SCAPER: variants seen among roughly 807,000 people sequenced by gnomAD.
The protein encoded by SCAPER is S-phase cyclin A associated protein in the ER, also known as S phase cyclin A-associated protein in the endoplasmic reticulum.
A neutral mutation model predicts 182.2 loss-of-function variants in SCAPER; 98 were observed. That is an observed-to-expected ratio of 0.54 (90% CI 0.46 to 0.64). The LOEUF (loss-of-function observed/expected upper bound fraction) is 0.64. Among genes scored for constraint, SCAPER ranks in the 30% least tolerant of loss-of-function variants. The pLI is 0.00. For synonymous variants in SCAPER, 605 were observed against 564.6 expected (o/e 1.07, Z -1.01); for missense variants, 1,432 against 1,690.0 (o/e 0.85, Z 2.68).
intron 20 of SCAPER, among the ~76,000 whole-genome samples, chr15:76,690,456 A>T (rs2058291257): frequency 6.6e-6 from 1 of 152,188 alleles, no homozygotes; most frequent in Admixed American, 6.5e-5. Flanking sequence ...ATCCTGAAAT[A>T]GAAAAAGAAC....
chr15:76,781,753 A>C (rs1281520736), intron 8 of SCAPER, among the ~76,000 whole-genome samples: 1 of 152,132 alleles, frequency 6.6e-6, no homozygotes, highest in Non-Finnish European at 1.5e-5. Context: ...TTAAACAAAA[A>C]ATTTTCAACC....
chr15:76,475,714 G>A (rs1037879067), intron 24 of SCAPER, among the ~76,000 whole-genome samples: 28 of 152,318 alleles, frequency 1.8e-4, no homozygotes, highest in African/African-American at 2.9e-4. Flanking sequence ...TGCTCTGGCT[G>A]AAGCAGAAGT....
intron 24 of SCAPER, among the ~76,000 whole-genome samples, chr15:76,481,026 C>T (rs573862158): frequency 1.9e-4 from 29 of 152,248 alleles, no homozygotes; most frequent in Admixed American, 1.5e-3. Context: ...CCACCGCGCC[C>T]GGCCCACTAT....
intron 21 of SCAPER, among the ~76,000 whole-genome samples, chr15:76,652,388 A>T (rs2055218000): frequency 1.5e-5 from 1 of 66,886 alleles, no homozygotes; most frequent in African/African-American, 6.3e-5. Flanking sequence ...ATATATATAT[A>T]TATATATATA....
At chr15:76,741,787 T>C (rs1259071212) in intron 15 of SCAPER, among the ~76,000 whole-genome samples, 1 of 152,098 alleles carries the variant, frequency 6.6e-6, no homozygotes, top group African/African-American at 2.4e-5. Context: ...ATCTGAAATA[T>C]GGAATTCAGT....
At chr15:76,456,973 T>C (rs2048784531) in intron 25 of SCAPER, among the ~76,000 whole-genome samples, 1 of 152,216 alleles carries the variant, frequency 6.6e-6, no homozygotes. Context: ...TTGGTCTTTA[T>C]ATTTTAAATG....
intron 16 of SCAPER, among the ~76,000 whole-genome samples, chr15:76,732,864 G>GTC (rs1203893205): frequency 6.6e-6 from 1 of 152,098 alleles, no homozygotes; most frequent in Non-Finnish European, 1.5e-5. Context: ...GGCGTAAGCT[G>GTC]TCTCTCTCTC....
intron 3 of SCAPER, among the ~76,000 whole-genome samples, chr15:76,858,933 T>C (rs2071637780): frequency 6.6e-6 from 1 of 152,226 alleles, no homozygotes; most frequent in South Asian, 2.1e-4. Flanking sequence ...GTGATGAACA[T>C]ACACATACAT....
intron 5 of SCAPER, among the ~76,000 whole-genome samples, chr15:76,813,987 G>T (rs1734245748): frequency 6.6e-6 from 1 of 152,084 alleles, no homozygotes; most frequent in Admixed American, 6.6e-5. Flanking sequence ...GGCCAACATG[G>T]TGAAACCCCG....
intron 23 of SCAPER, among the ~76,000 whole-genome samples, chr15:76,544,766 T>C (rs1310970976): frequency 3.9e-5 from 6 of 152,142 alleles, no homozygotes; most frequent in Non-Finnish European, 5.9e-5. Flanking sequence ...ACTCTTTGAC[T>C]ATACCAAAAA....
intron 3 of SCAPER, among the ~76,000 whole-genome samples, chr15:76,861,257 C>T (rs1355906696): frequency 1.3e-5 from 2 of 152,158 alleles, no homozygotes; most frequent in East Asian, 1.9e-4. Flanking sequence ...TATCTTACCA[C>T]AAATTACTCA....
chr15:76,676,540 CATAAT>C (rs1327806057), intron 20 of SCAPER, among the ~76,000 whole-genome samples: 5 of 151,942 alleles, frequency 3.3e-5, no homozygotes, highest in African/African-American at 9.7e-5. Flanking sequence ...GAAAAATTGC[CATAAT>C]GAAATAGAGA....
intron 5 of SCAPER, among the ~76,000 whole-genome samples, chr15:76,819,123 G>A (rs1380923183): frequency 6.6e-6 from 1 of 152,250 alleles, no homozygotes; most frequent in Non-Finnish European, 1.5e-5. Context: ...CACTGCTCAA[G>A]GAGGCCTGCC....
At chr15:76,440,721 C>A (rs564623297) in intron 25 of SCAPER, among the ~76,000 whole-genome samples, 2 of 152,128 alleles carry the variant, frequency 1.3e-5, no homozygotes, top group Non-Finnish European at 2.9e-5. Flanking sequence ...AGTCACTAAA[C>A]ATGCAACAGT....
At chr15:76,667,109 C>T (rs555524848) in intron 20 of SCAPER, among the ~76,000 whole-genome samples, 5 of 152,146 alleles carry the variant, frequency 3.3e-5, no homozygotes, top group African/African-American at 4.8e-5. Flanking sequence ...AGCTCTCATT[C>T]GCTCCCAAAC....
intron 5 of SCAPER, among the ~76,000 whole-genome samples, chr15:76,813,015 C>A (rs11072627): frequency 0.33 from 49,891 of 150,834 alleles, 8,498 homozygotes; most frequent in East Asian, 0.56. Context: ...CACAAAAATG[C>A]TCAATACTAG....
intron 17 of SCAPER, among the ~76,000 whole-genome samples, chr15:76,712,163 C>T (rs903843150): frequency 6.6e-6 from 1 of 152,158 alleles, no homozygotes; most frequent in Non-Finnish European, 1.5e-5. Flanking sequence ...TATGGCTAGA[C>T]AGTTTTCCCA....
chr15:76,580,382 G>A (rs1469870038), intron 22 of SCAPER, among the ~76,000 whole-genome samples: 1 of 152,116 alleles, frequency 6.6e-6, no homozygotes, highest in African/African-American at 2.4e-5. Context: ...GAAACTATAC[G>A]AACACATGGA....
At chr15:76,380,046 T>C (rs2141927449) in intron 28 of SCAPER, 1 of 152,308 alleles carries the variant, frequency 6.6e-6, no homozygotes, top group African/African-American at 2.4e-5. Context: ...ACAAAAGAAA[T>C]CACTCCCTTT....
Sources: gnomAD v4.1 joint callset for allele counts (sites outside exome capture counted in the v4.1 genomes callset) on GRCh38, gnomAD v4.1.1 for gene constraint, MANE v1.5 for transcripts, NCBI Gene and HGNC (gene_info 2026-07-23, HGNC 2026-07-21) for gene names.